The following CSMD1 variants were observed in gnomAD, a reference collection of about 807,000 sequenced individuals.
CSMD1 encodes CUB and Sushi multiple domains 1.
CSMD1 carries 213 observed loss-of-function variants against 417.5 expected under a neutral mutation model. The ratio of observed to expected loss-of-function variants is 0.51; its 90% CI spans 0.46 to 0.57. CSMD1 has a LOEUF of 0.57. CSMD1 is among the 20% of genes least tolerant of loss of function. The pLI, the probability that CSMD1 is intolerant of heterozygous loss-of-function variation, is 0.00. For missense variants in CSMD1, 6,923 were observed against 4,529.7 expected (o/e 1.53, Z -15.17); for synonymous variants, 2,862 against 1,736.8 (o/e 1.65, Z -16.11).
At chr8:4,807,810 C>T (rs144496090) in intron 1 of CSMD1, among the ~76,000 whole-genome samples, 1 of 152,068 alleles carries the variant, frequency 6.6e-6, no homozygotes, top group African/African-American at 2.4e-5. Context: ...TCCATAGAAG[C>T]CAGCCATAAT....
chr8:4,498,045 G>A (rs747521384), intron 2 of CSMD1, among the ~76,000 whole-genome samples: 2 of 152,114 alleles, frequency 1.3e-5, no homozygotes, highest in African/African-American at 2.4e-5. Context: ...TCTGCTGGAA[G>A]TGTCCTCCAT....
chr8:4,081,797 A>G (rs1800148651), intron 3 of CSMD1, among the ~76,000 whole-genome samples: 2 of 152,282 alleles, frequency 1.3e-5, no homozygotes, highest in Non-Finnish European at 2.9e-5. Context: ...ACTTGAATAC[A>G]CAATGGATCA....
intron 2 of CSMD1, among the ~76,000 whole-genome samples, chr8:4,492,450 T>G (rs779991413): frequency 6.6e-6 from 1 of 152,184 alleles, no homozygotes; most frequent in Non-Finnish European, 1.5e-5. Context: ...ATATTTTACA[T>G]CACAAGTAAA....
intron 3 of CSMD1, among the ~76,000 whole-genome samples, chr8:4,409,908 G>A (rs1796555086): frequency 6.6e-6 from 1 of 151,948 alleles, no homozygotes; most frequent in African/African-American, 2.4e-5. Context: ...CCGCCTCCTG[G>A]GTTCAAATGA....
chr8:4,305,018 C>G (rs1201555818), intron 3 of CSMD1, among the ~76,000 whole-genome samples: 1 of 152,186 alleles, frequency 6.6e-6, no homozygotes, highest in African/African-American at 2.4e-5. Context: ...ACTACAAACA[C>G]ACAGTTCCCC....
chr8:4,155,583 T>C (rs567297398), intron 3 of CSMD1, among the ~76,000 whole-genome samples: 1 of 152,302 alleles, frequency 6.6e-6, no homozygotes, highest in African/African-American at 2.4e-5. Context: ...CTTTAAATTG[T>C]GAGTCATTTT....
intron 2 of CSMD1, among the ~76,000 whole-genome samples, chr8:4,445,370 T>C (rs771203908): frequency 2.0e-5 from 3 of 152,240 alleles, no homozygotes; most frequent in Non-Finnish European, 2.9e-5. Flanking sequence ...AATATCTCAT[T>C]TGAGGAGCTC....
At chr8:3,594,518 G>T (rs1801002694) in intron 8 of CSMD1, among the ~76,000 whole-genome samples, 1 of 152,058 alleles carries the variant, frequency 6.6e-6, no homozygotes, top group South Asian at 2.1e-4. Context: ...CATATAACTT[G>T]GTTTGTCCAG....
Position 3,783,378 on chromosome 8 carries a change from C to T in CSMD1, c.819-29336G>A, listed in dbSNP as rs550145963. Among the ~76,000 whole-genome samples, 5 of 152,360 alleles carry T rather than the reference C, an allele frequency of 3.3e-5. No homozygotes were observed. In the South Asian group the frequency reaches 8.3e-4, roughly 25 times the overall value. On this transcript the variant is annotated intron_variant, in intron 5 of 69. Coordinates refer to ENST00000635120, the MANE Select transcript of CSMD1 (RefSeq NM_033225.6). ...TGAGCAAAGCACCAGGAAGCAGTCA[C>T]ATGCCCCTGGGGTGACCCACGGCTG...
chr8:3,368,682 G>A (rs1006351564), intron 19 of CSMD1, among the ~76,000 whole-genome samples: 3 of 152,048 alleles, frequency 2.0e-5, no homozygotes, highest in Admixed American at 6.6e-5. Context: ...ACAGAAAAAA[G>A]TTTCAGGCTA....
chr8:3,453,439 G>A (rs1815885591), intron 12 of CSMD1, among the ~76,000 whole-genome samples: 3 of 152,000 alleles, frequency 2.0e-5, no homozygotes, highest in Admixed American at 2.0e-4. Context: ...GCTTTCTCTT[G>A]TGGGCATTTA....
At chr8:4,925,155 G>A (rs1472774467) in intron 1 of CSMD1, among the ~76,000 whole-genome samples, 1 of 149,408 alleles carries the variant, frequency 6.7e-6, no homozygotes, top group Non-Finnish European at 1.5e-5. Flanking sequence ...GCAGACACAA[G>A]GAAGGACAAC....
chr8:3,953,239 A>G (rs971706159), intron 5 of CSMD1, among the ~76,000 whole-genome samples: 4 of 152,156 alleles, frequency 2.6e-5, no homozygotes, highest in African/African-American at 9.6e-5. Flanking sequence ...TATATAACTG[A>G]TATAGGAGTT....
At chr8:4,737,236 C>A (rs1331587499) in intron 1 of CSMD1, among the ~76,000 whole-genome samples, 2 of 152,146 alleles carry the variant, frequency 1.3e-5, no homozygotes, top group South Asian at 2.1e-4. Context: ...AACACGGGAA[C>A]AGAAAACCAA....
intron 25 of CSMD1, among the ~76,000 whole-genome samples, chr8:3,297,915 C>T (rs917578828): frequency 1.8e-4 from 27 of 152,020 alleles, no homozygotes; most frequent in African/African-American, 6.0e-4. Flanking sequence ...GAAATCATTT[C>T]AGTATAAAAA....
chr8:4,277,569 A>G (rs1796557656), intron 3 of CSMD1, among the ~76,000 whole-genome samples: 2 of 152,120 alleles, frequency 1.3e-5, no homozygotes. Context: ...ATAGAGCTGC[A>G]TGTCTATACT....
At chr8:3,793,550 C>G (rs1442302439) in intron 5 of CSMD1, among the ~76,000 whole-genome samples, 3 of 151,510 alleles carry the variant, frequency 2.0e-5, no homozygotes, top group Non-Finnish European at 4.4e-5. Flanking sequence ...CCACATGACA[C>G]CCCCTCCTCC....
At chr8:4,294,824 T>G (rs1054242020) in intron 3 of CSMD1, among the ~76,000 whole-genome samples, 34 of 152,050 alleles carry the variant, frequency 2.2e-4, no homozygotes, top group African/African-American at 7.7e-4. Flanking sequence ...TCAACCCATG[T>G]GTAATTAGTA....
intron 3 of CSMD1, among the ~76,000 whole-genome samples, chr8:4,348,338 G>A (rs537042489): frequency 3.2e-4 from 49 of 152,098 alleles, no homozygotes; most frequent in African/African-American, 1.0e-3. Flanking sequence ...CCACAGCAGC[G>A]AAGTCATGGA....
Sources: allele counts gnomAD v4.1 joint callset (sites outside exome capture counted in the v4.1 genomes callset), GRCh38; gene constraint gnomAD v4.1.1; transcripts MANE v1.5; gene names NCBI Gene and HGNC (gene_info 2026-07-23, HGNC 2026-07-21).